Variants in SKA2 observed in about 807,000 individuals in gnomAD.
The protein encoded by SKA2 is spindle and kinetochore-associated protein 2.
In SKA2, 13 loss-of-function variants were observed where a neutral mutation model predicts 16.9. The ratio of observed to expected loss-of-function variants is 0.77; its 90% CI spans 0.50 to 1.22. The LOEUF (loss-of-function observed/expected upper bound fraction) is 1.22, where lower values mean the gene tolerates loss of function less well. Ranked by LOEUF, SKA2 falls within the 50% of genes most tolerant of loss-of-function variation. SKA2 has a pLI of 0.00. For synonymous variants in SKA2, 47 were observed against 48.5 expected (o/e 0.97, Z 0.13); for missense variants, 107 against 139.7 (o/e 0.77, Z 1.18).
chr17:59,139,822 T>C (rs962485319), intron 1 of SKA2, among the ~76,000 whole-genome samples: 1 of 152,190 alleles, frequency 6.6e-6, no homozygotes, highest in East Asian at 1.9e-4. Context: ...TGGCAAGAGA[T>C]CGCTTTTTTG....
chr17:59,135,310 CTTTTTTTTTTTTT>C (rs71145527), intron 1 of SKA2, among the ~76,000 whole-genome samples: 73 of 126,118 alleles, frequency 5.8e-4, no homozygotes, highest in Non-Finnish European at 4.8e-4. Context: ...ACTAAACTGT[CTTTTTTTTTTTTT>C]TTTTTTTTTT....
Position 59,140,912 on chromosome 17 carries a change from C to T in SKA2, c.34-9545G>A, listed in dbSNP as rs1020634810. Among the ~76,000 whole-genome samples, 27 of 151,234 alleles carry T rather than the reference C, an allele frequency of 1.8e-4. No individual in the cohort carries two copies. The Middle Eastern group carries it at 0.01, about 58-fold the overall frequency. On this transcript the variant is annotated intron_variant, in intron 1 of 3. Transcript: ENST00000330137. Reference sequence around the variant, plus strand: ...TGCTGGGATTACAGGCATGAGCCACCGCGCCTGGCCTAAAAGGCTAGTTTT... The same window carrying T: ...TGCTGGGATTACAGGCATGAGCCACTGCGCCTGGCCTAAAAGGCTAGTTTT...
chr17:59,133,611 T>C (rs1006757618), intron 1 of SKA2, among the ~76,000 whole-genome samples: 3 of 152,178 alleles, frequency 2.0e-5, no homozygotes, highest in Non-Finnish European at 4.4e-5. Context: ...ATTTTTAGTA[T>C]ATAAAAGGTT....
At chr17:59,124,894 A>G (rs1313209369) in intron 2 of SKA2, among the ~76,000 whole-genome samples, 2 of 152,054 alleles carry the variant, frequency 1.3e-5, no homozygotes, top group African/African-American at 2.4e-5. Flanking sequence ...GTTAGGACTT[A>G]GCACCATACC....
intron 1 of SKA2, among the ~76,000 whole-genome samples, chr17:59,135,100 G>A (rs570715668): frequency 6.6e-6 from 1 of 152,102 alleles, no homozygotes; most frequent in East Asian, 1.9e-4. Context: ...CTCCCAAAGC[G>A]CTGGGATTAC....
At chr17:59,137,834 A>G (rs1309382737) in intron 1 of SKA2, 1 of 529,896 alleles carries the variant, frequency 1.9e-6, no homozygotes, top group East Asian at 5.5e-5. Context: ...CACAGCAGAG[A>G]CAATATTGAT....
chr17:59,136,230 G>A (rs893102373), intron 1 of SKA2, among the ~76,000 whole-genome samples: 1 of 151,764 alleles, frequency 6.6e-6, no homozygotes, highest in African/African-American at 2.4e-5. Context: ...GCGCGATCTC[G>A]GGGCTCACTG....
At chr17:59,141,034 C>T (rs557485226) in intron 1 of SKA2, among the ~76,000 whole-genome samples, 20 of 151,644 alleles carry the variant, frequency 1.3e-4, no homozygotes, top group South Asian at 8.4e-4. Context: ...TGACTTTAAG[C>T]GATCCTCCCG....
At chr17:59,130,373 A>T (rs914251597) in intron 2 of SKA2, among the ~76,000 whole-genome samples, 5 of 149,860 alleles carry the variant, frequency 3.3e-5, no homozygotes, top group African/African-American at 7.4e-5. Flanking sequence ...ACACCTTGAG[A>T]GGCTGAGGTA....
At chr17:59,122,119 T>C in intron 2 of SKA2, among the ~76,000 whole-genome samples, 1 of 152,178 alleles carries the variant, frequency 6.6e-6, no homozygotes. Context: ...TCTGACAATA[T>C]TGAGAAGAGT....
chr17:59,153,546 G>T (rs1325178393), intron 1 of SKA2, among the ~76,000 whole-genome samples: 1 of 151,062 alleles, frequency 6.6e-6, no homozygotes. Flanking sequence ...CACAACAGAA[G>T]AAAATAAGAT....
intron 2 of SKA2, among the ~76,000 whole-genome samples, chr17:59,125,270 T>G: frequency 6.7e-6 from 1 of 149,400 alleles, no homozygotes; most frequent in African/African-American, 2.5e-5. Flanking sequence ...GGATTACAGG[T>G]ATGAGCCACC....
chr17:59,136,636 C>T (rs1462892586), intron 1 of SKA2, among the ~76,000 whole-genome samples: 1 of 151,980 alleles, frequency 6.6e-6, no homozygotes, highest in Non-Finnish European at 1.5e-5. Context: ...GCAACCTCCA[C>T]TTCCCGGGTT....
intron 2 of SKA2, chr17:59,129,518 A>G (rs1392972861): frequency 6.6e-6 from 1 of 151,630 alleles, no homozygotes. Flanking sequence ...GGGGAAGGAA[A>G]GAGAAGGAAT....
intron 1 of SKA2, among the ~76,000 whole-genome samples, chr17:59,152,278 T>G (rs765761121): frequency 6.6e-5 from 10 of 152,148 alleles, no homozygotes; most frequent in Non-Finnish European, 1.2e-4. Context: ...AAAAATATAT[T>G]TTCATTATTT....
chr17:59,141,583 C>T (rs566614299), intron 1 of SKA2, among the ~76,000 whole-genome samples: 1 of 151,030 alleles, frequency 6.6e-6, no homozygotes, highest in Admixed American at 6.6e-5. Flanking sequence ...AATACAAAAA[C>T]TAGCCAGTGT....
At chr17:59,149,980 C>T (rs893312434) in intron 1 of SKA2, among the ~76,000 whole-genome samples, 29 of 152,150 alleles carry the variant, frequency 1.9e-4, no homozygotes, top group African/African-American at 7.0e-4. Context: ...CTCAGCCACC[C>T]GAGTAGCTAG....
intron 1 of SKA2, among the ~76,000 whole-genome samples, chr17:59,149,881 T>C (rs1043175030): frequency 1.3e-5 from 2 of 151,888 alleles, no homozygotes; most frequent in African/African-American, 4.8e-5. Context: ...GAAGAAGAGG[T>C]TGACCACAAA....
At chr17:59,128,226 A>G (rs911770339) in intron 2 of SKA2, among the ~76,000 whole-genome samples, 1 of 151,916 alleles carries the variant, frequency 6.6e-6, no homozygotes, top group Non-Finnish European at 1.5e-5. Flanking sequence ...GAAAAAAAAA[A>G]AGAGAGAGAA....
Sources: gnomAD v4.1 joint callset for allele counts (sites outside exome capture counted in the v4.1 genomes callset) on GRCh38, gnomAD v4.1.1 for gene constraint, MANE v1.5 for transcripts, NCBI Gene and HGNC (gene_info 2026-07-23, HGNC 2026-07-21) for gene names.